Variants in WWP2 observed in about 807,000 individuals in gnomAD.
The protein encoded by WWP2 is WW domain containing E3 ubiquitin protein ligase 2, also known as NEDD4-like E3 ubiquitin-protein ligase WWP2.
WWP2 carries 57 observed loss-of-function variants against 121.0 expected under a neutral mutation model. The observed-to-expected ratio is 0.47, with a 90% CI of 0.38 to 0.59. The LOEUF (loss-of-function observed/expected upper bound fraction) is 0.59. Among genes scored for constraint, WWP2 ranks in the 20% least tolerant of loss-of-function variants. The pLI is 0.00. For synonymous variants in WWP2, 449 were observed against 441.3 expected, an observed-to-expected ratio of 1.02 and a Z score of -0.22; for missense variants, 962 against 1,158.9, an observed-to-expected ratio of 0.83 and a Z score of 2.47.
intron 6 of WWP2, among the ~76,000 whole-genome samples, chr16:69,844,964 C>T (rs1007058591): frequency 4.6e-5 from 7 of 152,198 alleles, no homozygotes; most frequent in African/African-American, 1.7e-4. Flanking sequence ...TTTGCTGTTG[C>T]AGGTATGAAG....
chr16:69,864,782 C>T (rs2057489314), intron 6 of WWP2, among the ~76,000 whole-genome samples: 2 of 150,530 alleles, frequency 1.3e-5, no homozygotes, highest in African/African-American at 4.9e-5. Context: ...AGTGCAATGG[C>T]TCGATTTTTA....
At chr16:69,867,453 G>A (rs758161938) in intron 6 of WWP2, among the ~76,000 whole-genome samples, 3 of 152,138 alleles carry the variant, frequency 2.0e-5, no homozygotes, top group African/African-American at 7.2e-5. Context: ...ACATTTCAGC[G>A]GCCCTCATGA....
chr16:69,885,594 A>G (rs541170400), intron 7 of WWP2, among the ~76,000 whole-genome samples: 1 of 152,298 alleles, frequency 6.6e-6, no homozygotes, highest in African/African-American at 2.4e-5. Flanking sequence ...ATGGTTGCTA[A>G]GAGTTATTAT....
At chr16:69,826,301 C>G (rs1449186069) in intron 4 of WWP2, among the ~76,000 whole-genome samples, 1 of 150,814 alleles carries the variant, frequency 6.6e-6, no homozygotes, top group Non-Finnish European at 1.5e-5. Flanking sequence ...GGCGCAGTGG[C>G]TTATGCCTGT....
At chr16:69,837,888 G>GCC (rs1385449493) in intron 4 of WWP2, among the ~76,000 whole-genome samples, 3 of 152,100 alleles carry the variant, frequency 2.0e-5, no homozygotes, top group East Asian at 1.9e-4. Context: ...GCCCAAAAAA[G>GCC]TCTCAGAAGG....
At position 69,799,264 on chromosome 16, in the gene WWP2, C is replaced by G; in HGVS notation, c.309C>G (p.Leu103=). 6.2e-7 allele frequency: 1 copy of G among 1,614,116 alleles called. No homozygotes were observed. Among genetic ancestry groups the G allele is most frequent in the Non-Finnish European group, 8.5e-7 (1 of 1,180,032 alleles). The change falls in exon 4 of 24, where the codon CTC becomes CTG. Residue 103 remains leucine (L), a synonymous_variant. Coordinates refer to ENST00000359154, the MANE Select transcript of WWP2 (RefSeq NM_001270454.2). This position sits in a 1 kb window ranked among gnomAD's most constrained non-coding sequence, Gnocchi z 4.5. ...TGCTAGGCACCGCATCTGTCAACCTCTCCAACGTCTTGAAGAACAATGGGG... is the reference window on the plus strand; with the variant it reads ...TGCTAGGCACCGCATCTGTCAACCTGTCCAACGTCTTGAAGAACAATGGGG... ...NELLGTASVN[L]SNVLKNNGGK...
At chr16:69,769,673 T>C (rs1304179739) in intron 1 of WWP2, among the ~76,000 whole-genome samples, 4 of 152,182 alleles carry the variant, frequency 2.6e-5, no homozygotes, top group Non-Finnish European at 2.9e-5. Flanking sequence ...GCTCTTACTG[T>C]GTGTCCTCTG....
At chr16:69,804,308 C>A (rs1302805947) in intron 4 of WWP2, among the ~76,000 whole-genome samples, 1 of 151,940 alleles carries the variant, frequency 6.6e-6, no homozygotes, top group Non-Finnish European at 1.5e-5. Context: ...TTTATTTTTT[C>A]CTGGGTGTTT....
rs2058790871 is a variant in WWP2, at chr16:69,935,931, C to A, written c.1921C>A (p.Leu641Met). 2.5e-6 allele frequency: 4 copies of A among 1,613,990 alleles called. No homozygotes were observed. The South Asian group carries it at 4.4e-5, about 18-fold the overall frequency. The change falls in exon 18 of 24, where the codon CTG (leucine) becomes ATG (methionine). Residue 641 changes from leucine to methionine, a missense_variant. By Grantham distance (15) the Leu-to-Met change is conservative (BLOSUM62 2). Around this residue, in one of 3 missense-constraint regions of WWP2, gnomAD observed 606 missense variants for 772.6 expected, o/e 0.78. Transcript: ENST00000359154. The surrounding 1 kb of genome is among the most constrained non-coding windows in gnomAD (Gnocchi z 5.2). ...YKRMLNKRPT[L>M]KDLESIDPEF... ...GCGGATGCTCAATAAGAGACCAACCCTGAAAGACCTGGAGTCCATTGACCC... is the reference window on the plus strand; with the variant it reads ...GCGGATGCTCAATAAGAGACCAACCATGAAAGACCTGGAGTCCATTGACCC...
intron 19 of WWP2, chr16:69,936,768 C>G: frequency 2.0e-6 from 1 of 496,390 alleles, no homozygotes; most frequent in Non-Finnish European, 3.6e-6. Context: ...TCTCTGTGGC[C>G]TGTGTGCCTA....
At chr16:69,763,080 T>TA (rs963995435) in intron 1 of WWP2, among the ~76,000 whole-genome samples, 4 of 151,988 alleles carry the variant, frequency 2.6e-5, no homozygotes, top group Admixed American at 6.6e-5. Context: ...GAAAATAAAT[T>TA]AAAAAAATAA....
intron 10 of WWP2, among the ~76,000 whole-genome samples, chr16:69,918,327 T>C (rs2058506214): frequency 6.6e-6 from 1 of 152,192 alleles, no homozygotes; most frequent in African/African-American, 2.4e-5. Context: ...TGTTAGATCT[T>C]TATTATCTGA....
chr16:69,843,516 T>C (rs1392023950), intron 6 of WWP2, among the ~76,000 whole-genome samples: 1 of 152,108 alleles, frequency 6.6e-6, no homozygotes, highest in Non-Finnish European at 1.5e-5. Flanking sequence ...AAACTACGAA[T>C]GTAGTTTGTA....
chr16:69,836,916 A>G (rs1244856167), intron 4 of WWP2, among the ~76,000 whole-genome samples: 2 of 144,458 alleles, frequency 1.4e-5, no homozygotes, highest in Non-Finnish European at 1.5e-5. Context: ...ATGAGCCACC[A>G]TGCCCAGTCC....
Position 69,937,661 on chromosome 16 carries a change from C to T in WWP2, c.2343+9C>T, listed in dbSNP as rs758959430. The T allele has an allele frequency of 1.1e-5, 17 of 1,613,602 alleles. No individual in the cohort carries two copies. The East Asian group carries it at 1.8e-4, about 17-fold the overall frequency. On this transcript the variant is annotated intron_variant, in intron 21 of 23. Coordinates refer to ENST00000359154, the MANE Select transcript of WWP2 (RefSeq NM_001270454.2). The surrounding 1 kb of genome is among the most constrained non-coding windows in gnomAD (Gnocchi z 6.6). ...TCCAGTGGTTCTGGCAGGTGGGTCCCGGGCCCAGGCCTTGGCAGGGACATT... is the reference window on the plus strand; with the variant it reads ...TCCAGTGGTTCTGGCAGGTGGGTCCTGGGCCCAGGCCTTGGCAGGGACATT...
In WWP2 at chr16:69,940,408, C is replaced by G. The variant is rs1172932064; in HGVS notation, c.*468C>G. On this transcript the variant is annotated 3_prime_UTR_variant, in exon 24 of 24. Transcript: ENST00000359154. The stretch of plus-strand genomic sequence containing the variant: ...GGAGGTTCTGCCTGTAATTGAGCCT[C>G]TCTGATGATGGAGATGAAGTGAAGG... 3.2e-5 allele frequency: 5 copies of G among 158,698 alleles called. No individual in the cohort carries two copies. Among genetic ancestry groups the G allele is most frequent in the African/African-American group, 9.6e-5 (4 of 41,592 alleles). The allele number at this position is 158,698 out of a possible 1,614,324, so 9.8% of individuals were successfully genotyped here.
At chr16:69,920,659 C>T (rs2058547148) in intron 10 of WWP2, among the ~76,000 whole-genome samples, 1 of 151,950 alleles carries the variant, frequency 6.6e-6, no homozygotes, top group Admixed American at 6.6e-5. Flanking sequence ...GTGGTGCACA[C>T]CTGTAATTCC....
At chr16:69,928,369 TTC>T (rs2058667946) in intron 11 of WWP2, among the ~76,000 whole-genome samples, 1 of 152,130 alleles carries the variant, frequency 6.6e-6, no homozygotes, top group Admixed American at 6.5e-5. Context: ...TGTTTTTTTT[TTC>T]TCCTGTCTAC....
intron 23 of WWP2, 109 bp downstream of exon 23, chr16:69,939,522 C>T (rs1597196190): frequency 9.3e-6 from 11 of 1,182,208 alleles, no homozygotes; most frequent in South Asian, 4.1e-5. Flanking sequence ...GCAGCTTTTG[C>T]GTGGCCCTGG....
Sources: gnomAD v4.1 joint callset for allele counts (sites outside exome capture counted in the v4.1 genomes callset) on GRCh38, gnomAD v4.1.1 for gene constraint, gnomAD v4.1.1 regional missense constraint, Gnocchi (gnomAD v3.1) non-coding constraint, MANE v1.5 for transcripts, NCBI Gene and HGNC (gene_info 2026-07-23, HGNC 2026-07-21) for gene names.